PDIA5: variants seen among roughly 807,000 people sequenced by gnomAD.
PDIA5 encodes protein disulfide-isomerase A5.
A neutral mutation model predicts 77.6 loss-of-function variants in PDIA5; 58 were observed. The ratio of observed to expected loss-of-function variants is 0.75; its 90% CI spans 0.61 to 0.93. The LOEUF (loss-of-function observed/expected upper bound fraction) is 0.93. Among genes scored for constraint, PDIA5 ranks in the 40% least tolerant of loss-of-function variants. The probability of loss-of-function intolerance (pLI) is 0.00; values close to 1 mark genes in which losing one functional copy is unlikely to be tolerated. For missense variants in PDIA5, 630 were observed against 647.7 expected (o/e 0.97, Z 0.30); for synonymous variants, 250 against 252.1 (o/e 0.99, Z 0.08).
At position 123,150,253 on chromosome 3, in the gene PDIA5, C is replaced by G. The variant is rs766659997; in HGVS notation, c.1162C>G (p.Pro388Ala). ...TTGCAGCCCTGAGGCCCCCCCGCCC[C>G]CAGAGCCCACGTGGGAAGAGCAGCA... ...WMQNPEAPPPPEPTWEEQQTS... is the reference protein window; with the variant it reads ...WMQNPEAPPPAEPTWEEQQTS... The change falls in exon 14 of 17, where the codon CCA (proline) becomes GCA (alanine). Residue 388 changes from proline (P) to alanine (A), a missense_variant. By Grantham distance (27) the Pro-to-Ala change is conservative (BLOSUM62 -1). Transcript: ENST00000316218. 9.9e-6 allele frequency: 16 copies of G among 1,613,358 alleles called. No individual in the cohort carries two copies. The South Asian group carries it at 1.8e-4, about 18-fold the overall frequency.
At chr3:123,161,632 TC>T in intron 16 of PDIA5, 177 bp downstream of exon 16, 1 of 702,152 alleles carries the variant, frequency 1.4e-6, no homozygotes, top group East Asian at 2.7e-5. Flanking sequence ...TGGAGGAGAG[TC>T]CCAAGGGGTT....
At chr3:123,068,224 T>G (rs1410500548) in intron 1 of PDIA5, among the ~76,000 whole-genome samples, 1 of 152,182 alleles carries the variant, frequency 6.6e-6, no homozygotes, top group Non-Finnish European at 1.5e-5. Flanking sequence ...CCAACCCAGA[T>G]TTTCCCGTTC....
chr3:123,123,565 A>T (rs1422100784), intron 8 of PDIA5, among the ~76,000 whole-genome samples: 1 of 152,242 alleles, frequency 6.6e-6, no homozygotes, highest in Non-Finnish European at 1.5e-5. Flanking sequence ...GTCACACTCA[A>T]GCCTAGGTGA....
At chr3:123,151,889 CT>C in intron 14 of PDIA5, among the ~76,000 whole-genome samples, 1 of 139,732 alleles carries the variant, frequency 7.2e-6, no homozygotes, top group Non-Finnish European at 1.6e-5. Context: ...TCCTGCCTGC[CT>C]TCCTTCCTGC....
chr3:123,118,501 T>C (rs1259774602), intron 8 of PDIA5, among the ~76,000 whole-genome samples: 2 of 152,034 alleles, frequency 1.3e-5, no homozygotes, highest in Non-Finnish European at 2.9e-5. Flanking sequence ...TTGATGCCAG[T>C]CTCAGTGCAT....
intron 1 of PDIA5, among the ~76,000 whole-genome samples, chr3:123,070,695 G>A (rs747263899): frequency 4.6e-5 from 7 of 152,124 alleles, no homozygotes; most frequent in Non-Finnish European, 8.8e-5. Flanking sequence ...CCATCCCTGC[G>A]CTGACTGCCT....
At chr3:123,085,915 A>C (rs1477263268) in intron 1 of PDIA5, among the ~76,000 whole-genome samples, 1 of 152,220 alleles carries the variant, frequency 6.6e-6, no homozygotes, top group African/African-American at 2.4e-5. Context: ...TTCAGTCTGA[A>C]GTCCGTTAGC....
intron 10 of PDIA5, among the ~76,000 whole-genome samples, chr3:123,128,316 T>A (rs948744116): frequency 6.6e-6 from 1 of 152,194 alleles, no homozygotes. Flanking sequence ...ACTCCTGAAC[T>A]GTTATTTTAG....
intron 1 of PDIA5, among the ~76,000 whole-genome samples, chr3:123,074,159 T>C (rs923055944): frequency 6.6e-6 from 1 of 152,238 alleles, no homozygotes; most frequent in African/African-American, 2.4e-5. Flanking sequence ...TTCTTTTTTT[T>C]CCCAAATGGA....
At chr3:123,146,879 G>A (rs899547596) in intron 13 of PDIA5, among the ~76,000 whole-genome samples, 1 of 152,032 alleles carries the variant, frequency 6.6e-6, no homozygotes, top group African/African-American at 2.4e-5. Context: ...GCATGATCTC[G>A]GCTCACTGCA....
At chr3:123,114,875 C>T (rs1330130757) in intron 7 of PDIA5, among the ~76,000 whole-genome samples, 2 of 152,148 alleles carry the variant, frequency 1.3e-5, no homozygotes, top group African/African-American at 2.4e-5. Flanking sequence ...GCCCAGGGTT[C>T]GCGTACTGGG....
At chr3:123,099,460 C>A (rs989989483) in intron 3 of PDIA5, among the ~76,000 whole-genome samples, 1 of 152,210 alleles carries the variant, frequency 6.6e-6, no homozygotes, top group South Asian at 2.1e-4. Flanking sequence ...CCTCCCCACT[C>A]ACCCCTCAGG....
chr3:123,107,551 T>C (rs76775117), intron 6 of PDIA5, among the ~76,000 whole-genome samples: 1 of 152,116 alleles, frequency 6.6e-6, no homozygotes. Context: ...GCAAAAGCTG[T>C]GACACACATT....
intron 11 of PDIA5, among the ~76,000 whole-genome samples, chr3:123,138,445 T>C (rs1177750974): frequency 6.6e-6 from 1 of 152,230 alleles, no homozygotes; most frequent in African/African-American, 2.4e-5. Context: ...AGGTTTGAGT[T>C]GTTTACCATA....
intron 8 of PDIA5, among the ~76,000 whole-genome samples, chr3:123,123,594 A>G (rs891814323): frequency 6.6e-6 from 1 of 152,266 alleles, no homozygotes; most frequent in African/African-American, 2.4e-5. Flanking sequence ...TGAGGTATCC[A>G]GGAAGGTGTC....
In PDIA5 at chr3:123,102,440, A is replaced by G; in HGVS notation, c.287A>G (p.Lys96Arg). ...GDAESRKLCK[K>R]MKVDLSPKDK... ...GCAGAGAGTAGAAAATTGTGCAAGA[A>G]GATGAAAGTTGACCTGAGCCCGAAG... Residue 96 changes from lysine (K) to arginine (R), a missense_variant, in exon 4 of 17, where the codon AAG becomes AGG. Lys to Arg is a conservative substitution (Grantham distance 26). Transcript: ENST00000316218. 6.2e-7 allele frequency: 1 copy of G among 1,614,134 alleles called. No homozygotes were observed. The highest frequency in any genetic ancestry group is 8.5e-7 in the Non-Finnish European group (1 of 1,179,914).
intron 3 of PDIA5, among the ~76,000 whole-genome samples, chr3:123,096,512 C>T (rs1323544275): frequency 6.6e-6 from 1 of 151,188 alleles, no homozygotes; most frequent in Non-Finnish European, 1.5e-5. Flanking sequence ...GCCTCTTTTC[C>T]CCTTTCTCCT....
At chr3:123,135,698 AT>A (rs1935482525) in intron 11 of PDIA5, among the ~76,000 whole-genome samples, 1 of 143,594 alleles carries the variant, frequency 7.0e-6, no homozygotes, top group African/African-American at 2.5e-5. Context: ...AATATAGGTG[AT>A]TAAGGAAAGA....
Position 123,089,149 on chromosome 3 carries a change from T to C in PDIA5, c.43-19T>C, listed in dbSNP as rs1934218589. 1 of 1,610,434 alleles carries C rather than the reference T, an allele frequency of 6.2e-7. No homozygotes were observed. The highest frequency in any genetic ancestry group is 1.7e-5 in the Admixed American group (1 of 59,614). On this transcript the variant is annotated intron_variant, in intron 1 of 16. Coordinates refer to ENST00000316218, the MANE Select transcript of PDIA5 (RefSeq NM_006810.4). ...AGCCAGAAGCTGGAACTCACAGTCGTTGGCTCCTTGATCCCCAGGTGGTCC... is the reference window on the plus strand; with the variant it reads ...AGCCAGAAGCTGGAACTCACAGTCGCTGGCTCCTTGATCCCCAGGTGGTCC...
Sources: gnomAD v4.1 joint callset for allele counts (sites outside exome capture counted in the v4.1 genomes callset) on GRCh38, gnomAD v4.1.1 for gene constraint, MANE v1.5 for transcripts, NCBI Gene and HGNC (gene_info 2026-07-23, HGNC 2026-07-21) for gene names.